The following NLRC4 variants were observed in gnomAD, a reference collection of about 807,000 sequenced individuals.
The protein encoded by NLRC4 is NLR family CARD domain containing 4.
In NLRC4, 63 loss-of-function variants were observed where a neutral mutation model predicts 79.9. The observed-to-expected ratio is 0.79, with a 90% CI of 0.64 to 0.97. The LOEUF (loss-of-function observed/expected upper bound fraction) is 0.97. Ranked by LOEUF, NLRC4 falls within the 50% of genes least tolerant of loss-of-function variation. NLRC4 has a pLI of 0.00. For synonymous variants in NLRC4, 461 were observed against 456.5 expected, an observed-to-expected ratio of 1.01 and a Z score of -0.12; for missense variants, 1,074 against 1,215.2, an observed-to-expected ratio of 0.88 and a Z score of 1.73.
intron 1 of NLRC4, among the ~76,000 whole-genome samples, chr2:32,261,091 G>A (rs1687332490): frequency 6.6e-6 from 1 of 151,164 alleles, no homozygotes; most frequent in African/African-American, 2.4e-5. Context: ...TAATCGGGAG[G>A]CTGAGGCAGG....
At chr2:32,229,756 A>G (rs1431027101) in intron 8 of NLRC4, among the ~76,000 whole-genome samples, 2 of 152,210 alleles carry the variant, frequency 1.3e-5, no homozygotes, top group Non-Finnish European at 2.9e-5. Context: ...TTTTGAAAAG[A>G]AGGGAATGCT....
At position 32,243,507 on chromosome 2, in the gene NLRC4, TA is replaced by T. The variant is rs1305010445; in HGVS notation, c.2258-2383del. On this transcript the variant is annotated intron_variant, in intron 4 of 8. Coordinates refer to ENST00000402280, the MANE Select transcript of NLRC4 (RefSeq NM_001199138.2). ...ATAGAAAATGGAATTCAGTCATGCATAAAAGAATATTACGGCAGGCGTGGTG... is the reference window on the plus strand; with the variant it reads ...ATAGAAAATGGAATTCAGTCATGCATAAAGAATATTACGGCAGGCGTGGTG... Among the ~76,000 whole-genome samples, 6 of 150,666 alleles carry T rather than the reference TA, an allele frequency of 4.0e-5. No individual in the cohort carries two copies. The East Asian group carries it at 1.2e-3, about 30-fold the overall frequency.
In NLRC4 at chr2:32,249,931, G is replaced by A. The variant is rs755218343; in HGVS notation, c.1933C>T (p.Pro645Ser). 6.2e-7 allele frequency: 1 copy of A among 1,614,196 alleles called. No homozygotes were observed. The highest frequency in any genetic ancestry group is 2.2e-5 in the East Asian group (1 of 44,880). Reference protein sequence around the residue: ...HMEEAPETYIPSRAVSLFFNW... With the variant: ...HMEEAPETYISSRAVSLFFNW... Reference sequence around the variant, plus strand: ...AAGAACAAAGATACAGCCCTGCTGGGAATGTAGGTTTCTGGGGCCTCTTCC... The same window carrying A: ...AAGAACAAAGATACAGCCCTGCTGGAAATGTAGGTTTCTGGGGCCTCTTCC... Residue 645 changes from proline (P) to serine (S), a missense_variant, in exon 4 of 9, where the codon CCC becomes TCC. Pro to Ser is a moderately conservative substitution (Grantham distance 74). Transcript: ENST00000402280.
Position 32,224,461 on chromosome 2 carries a change from A to T in NLRC4, c.*12T>A, listed in dbSNP as rs1242269308. The T allele has an allele frequency of 1.3e-6, 2 of 1,569,628 alleles. No homozygotes were observed. The highest frequency in any genetic ancestry group is 1.4e-5 in the African/African-American group (1 of 73,494). On this transcript the variant is annotated 3_prime_UTR_variant, in exon 9 of 9. Transcript: ENST00000402280. ...GGTCCCAGAGCACTTACTGGCTTCG[A>T]GTACACTTTATTTAAGCAGTTACTA...
chr2:32,248,766 GA>G (rs754917669), intron 4 of NLRC4, among the ~76,000 whole-genome samples: 136 of 137,288 alleles, frequency 9.9e-4, no homozygotes, highest in South Asian at 1.8e-3. Flanking sequence ...ACCCAACCTC[GA>G]AAAAAAAAAA....
intron 8 of NLRC4, among the ~76,000 whole-genome samples, chr2:32,227,047 G>C (rs1367717650): frequency 6.6e-6 from 1 of 152,148 alleles, no homozygotes; most frequent in Non-Finnish European, 1.5e-5. Context: ...AGGCAGAAGT[G>C]ATGTGTGCAA....
chr2:32,225,042 T>C (rs942531932), intron 8 of NLRC4, among the ~76,000 whole-genome samples: 12 of 152,156 alleles, frequency 7.9e-5, no homozygotes, highest in Non-Finnish European at 1.2e-4. Flanking sequence ...TACTTTTTTT[T>C]CCCCTTTTCC....
At chr2:32,263,163 A>G (rs1687392680) in intron 1 of NLRC4, among the ~76,000 whole-genome samples, 1 of 152,158 alleles carries the variant, frequency 6.6e-6, no homozygotes. Context: ...TAAGGGAAAG[A>G]GTACATATAA....
chr2:32,233,081 G>C (rs1686575787), intron 8 of NLRC4, among the ~76,000 whole-genome samples: 1 of 144,200 alleles, frequency 6.9e-6, no homozygotes, highest in Non-Finnish European at 1.5e-5. Context: ...CTGCACTCCA[G>C]CCTGGGCAAC....
intron 4 of NLRC4, among the ~76,000 whole-genome samples, chr2:32,248,099 T>G (rs1291206359): frequency 1.3e-5 from 2 of 152,088 alleles, no homozygotes; most frequent in Admixed American, 1.3e-4. Context: ...CCACGAAATA[T>G]ATCGATATAA....
chr2:32,238,334 T>A, intron 5 of NLRC4, 32 bp from the exon 6 acceptor site: 1 of 1,563,642 alleles, frequency 6.4e-7, no homozygotes, highest in Non-Finnish European at 8.7e-7. Context: ...TGCATTAGGA[T>A]ACCAAGTTAA....
Position 32,250,386 on chromosome 2 carries a change from T to C in NLRC4, c.1478A>G (p.Tyr493Cys), listed in dbSNP as rs1234981264. ...ITSTYSSLLR[Y>C]TCGSSVEATR... ...GGCTTCCACAGATGACCCACAGGTGTACCGGAGCAGGCTGCTATAAGTGGA... is the reference window on the plus strand; with the variant it reads ...GGCTTCCACAGATGACCCACAGGTGCACCGGAGCAGGCTGCTATAAGTGGA... Residue 493 changes from tyrosine (Y) to cysteine (C), a missense_variant, in exon 4 of 9, where the codon TAC becomes TGC. Coordinates refer to ENST00000402280, the MANE Select transcript of NLRC4 (RefSeq NM_001199138.2). The surrounding 1 kb of genome is among the most constrained non-coding windows in gnomAD (Gnocchi z 4.9). The C allele has an allele frequency of 5.0e-6, 8 of 1,614,074 alleles. No individual in the cohort carries two copies. The Admixed American group carries it at 1.3e-4, about 27-fold the overall frequency.
At chr2:32,263,518 T>C (rs1687399813) in intron 1 of NLRC4, among the ~76,000 whole-genome samples, 1 of 152,172 alleles carries the variant, frequency 6.6e-6, no homozygotes, top group African/African-American at 2.4e-5. Context: ...TTCCCCCAAA[T>C]CCATATGTTG....
intron 8 of NLRC4, among the ~76,000 whole-genome samples, chr2:32,230,412 G>C (rs537986802): frequency 1.3e-5 from 2 of 151,514 alleles, no homozygotes; most frequent in Admixed American, 1.3e-4. Context: ...TGACCCACCC[G>C]CCTTGGCCTC....
intron 3 of NLRC4, 24 bp downstream of exon 3, chr2:32,252,395 G>A: frequency 6.4e-7 from 1 of 1,566,064 alleles, no homozygotes; most frequent in Non-Finnish European, 8.8e-7. Context: ...TGCAGAAACA[G>A]ATGCAAAACT....
chr2:32,264,624 C>T (rs996556344), intron 1 of NLRC4, 114 bp downstream of exon 1: 2 of 151,870 alleles, frequency 1.3e-5, no homozygotes, highest in African/African-American at 2.4e-5. Context: ...AAATCACACT[C>T]GTCAATGTTA....
chr2:32,261,313 C>A (rs1348822564), intron 1 of NLRC4, among the ~76,000 whole-genome samples: 1 of 85,626 alleles, frequency 1.2e-5, no homozygotes, highest in Non-Finnish European at 2.5e-5. Flanking sequence ...TTAAGCCTCC[C>A]CCCTTTTGTT....
intron 1 of NLRC4, among the ~76,000 whole-genome samples, chr2:32,264,535 C>G (rs1009120148): frequency 1.3e-5 from 2 of 151,894 alleles, no homozygotes; most frequent in Admixed American, 6.6e-5. Context: ...ACATGTACCC[C>G]TTGAACCTGA....
chr2:32,228,839 A>G (rs1007019844), intron 8 of NLRC4, among the ~76,000 whole-genome samples: 3 of 151,494 alleles, frequency 2.0e-5, no homozygotes, highest in Non-Finnish European at 4.4e-5. Flanking sequence ...ATCTCAGCTC[A>G]CTGCAATCTG....
Sources: allele counts gnomAD v4.1 joint callset (sites outside exome capture counted in the v4.1 genomes callset), GRCh38; gene constraint gnomAD v4.1.1; non-coding constraint Gnocchi (gnomAD v3.1); transcripts MANE v1.5; gene names NCBI Gene and HGNC (gene_info 2026-07-23, HGNC 2026-07-21).